LRP1B: variants seen among roughly 807,000 people sequenced by gnomAD.
LRP1B encodes the protein LDL receptor related protein 1B, also known as low-density lipoprotein receptor-related protein 1B.
Under a neutral mutation model 556.6 loss-of-function variants are expected in LRP1B, and 217 were observed. That is an observed-to-expected ratio of 0.39 (90% CI 0.35 to 0.44). The LOEUF (loss-of-function observed/expected upper bound fraction) is 0.44. Among genes scored for constraint, LRP1B ranks in the 20% least tolerant of loss-of-function variants. The pLI is 1.00. For synonymous variants in LRP1B, 2,047 were observed against 1,865.8 expected, an observed-to-expected ratio of 1.10 and a Z score of -2.50; for missense variants, 5,053 against 5,620.8, an observed-to-expected ratio of 0.90 and a Z score of 3.23.
intron 84 of LRP1B, among the ~76,000 whole-genome samples, chr2:140,293,905 GGTTA>G (rs1683500271): frequency 1.3e-5 from 2 of 152,064 alleles, no homozygotes; most frequent in South Asian, 4.2e-4. Context: ...AGGATTAATT[GGTTA>G]ATTTTAATAA....
In LRP1B at chr2:141,068,020, G is replaced by A. The variant is rs150275299; in HGVS notation, c.1014-5747C>T. On this transcript the variant is annotated intron_variant, in intron 7 of 90. Coordinates refer to ENST00000389484, the MANE Select transcript of LRP1B (RefSeq NM_018557.3). ...GGTCTGTGAATACAGGAGATTATTT[G>A]ATTCCTCTCAGAAAAGAAATCTCTA... Among the ~76,000 whole-genome samples the A allele has an allele frequency of 2.6e-5, 4 of 152,048 alleles. No individual in the cohort carries two copies. The East Asian group carries it at 5.9e-4, about 22-fold the overall frequency.
intron 7 of LRP1B, among the ~76,000 whole-genome samples, chr2:141,182,824 G>T (rs1681064961): frequency 6.6e-6 from 1 of 151,416 alleles, no homozygotes; most frequent in South Asian, 2.1e-4. Context: ...GTTACGGGGG[G>T]GAGTTGGTTG....
At chr2:141,304,856 A>C (rs985953301) in intron 3 of LRP1B, among the ~76,000 whole-genome samples, 6 of 152,136 alleles carry the variant, frequency 3.9e-5, no homozygotes, top group African/African-American at 1.4e-4. Flanking sequence ...TTTATTCAAA[A>C]GGGTATCTTT....
intron 14 of LRP1B, among the ~76,000 whole-genome samples, chr2:141,009,498 A>G (rs1483316796): frequency 6.6e-6 from 1 of 151,932 alleles, no homozygotes; most frequent in African/African-American, 2.4e-5. Context: ...CTATATTAAG[A>G]TACTCCTTTG....
rs1681599818 is a variant in LRP1B at position 140,577,963 on chromosome 2, A to C, written c.7194+20668T>G. On this transcript the variant is annotated intron_variant, in intron 43 of 90. Transcript: ENST00000389484. The stretch of plus-strand genomic sequence containing the variant: ...AACCTTCCTCTCTAATCTCTTTCAA[A>C]ATAAATGATGTTCAATAGTTTAATC... Among the ~76,000 whole-genome samples the C allele has an allele frequency of 1.3e-5, 2 of 152,160 alleles. 1 individual carries two copies. The highest frequency in any genetic ancestry group is 4.1e-4 in the South Asian group (2 of 4,828).
At chr2:140,828,470 G>A (rs934643031) in intron 31 of LRP1B, among the ~76,000 whole-genome samples, 6 of 148,820 alleles carry the variant, frequency 4.0e-5, no homozygotes, top group African/African-American at 5.0e-5. Context: ...TTAGCCGGGC[G>A]TGGTAGCGGG....
intron 77 of LRP1B, among the ~76,000 whole-genome samples, chr2:140,345,619 G>T (rs1681608513): frequency 1.4e-5 from 2 of 147,432 alleles, no homozygotes; most frequent in Non-Finnish European, 3.0e-5. Context: ...TGTATCTCTA[G>T]CCCAGAATAT....
chr2:140,325,911 C>T (rs776164759), intron 79 of LRP1B, 33 bp from the exon 80 acceptor site: 3 of 1,286,222 alleles, frequency 2.3e-6, no homozygotes, highest in Non-Finnish European at 3.4e-6. Context: ...ACAAATAGTG[C>T]AAGTAAATTT....
chr2:141,729,245 GGCATCA>G (rs1693170143), intron 2 of LRP1B, among the ~76,000 whole-genome samples: 1 of 152,084 alleles, frequency 6.6e-6, no homozygotes, highest in African/African-American at 2.4e-5. Flanking sequence ...CTTCCTTGGG[GGCATCA>G]GCCAGACACA....
rs555417750 is a variant in LRP1B at position 140,576,119 on chromosome 2, C to A, written c.7194+22512G>T. 5.3e-5 allele frequency among the ~76,000 whole-genome samples: 8 copies of A among 152,194 alleles called. 1 individual carries two copies. In the South Asian group the frequency reaches 1.5e-3, roughly 28 times the overall value. ...CCACACTTCAGGTGCTGAAGACGAT[C>A]CATGGAAATGCTTCCATCATATTAT... On this transcript the variant is annotated intron_variant, in intron 43 of 90. Transcript: ENST00000389484.
chr2:141,317,488 C>A (rs1029903218), intron 3 of LRP1B, among the ~76,000 whole-genome samples: 1 of 152,098 alleles, frequency 6.6e-6, no homozygotes, highest in African/African-American at 2.4e-5. Flanking sequence ...TCTCATTTAA[C>A]CTTCATTACC....
intron 2 of LRP1B, among the ~76,000 whole-genome samples, chr2:141,746,296 G>A (rs73963587): frequency 0.058 from 8,866 of 152,114 alleles, 822 homozygotes; most frequent in African/African-American, 0.2. Context: ...CCACAGTGAC[G>A]GGGCTTGCTG....
At chr2:141,039,006 T>C (rs553467178) in intron 11 of LRP1B, among the ~76,000 whole-genome samples, 153 of 152,214 alleles carry the variant, frequency 1.0e-3, no homozygotes, top group Non-Finnish European at 1.8e-3. Context: ...TCAGTTACTC[T>C]TTGTCAGCCA....
intron 41 of LRP1B, among the ~76,000 whole-genome samples, chr2:140,666,978 T>C (rs1050284854): frequency 2.6e-5 from 4 of 152,240 alleles, no homozygotes; most frequent in African/African-American, 9.6e-5. Context: ...AGTGCCTTGC[T>C]CAAATGCACA....
intron 66 of LRP1B, among the ~76,000 whole-genome samples, chr2:140,420,016 A>C (rs1022159722): frequency 1.5e-4 from 21 of 141,936 alleles, no homozygotes; most frequent in African/African-American, 3.6e-4. Context: ...ATAAAAAAGA[A>C]AAAAAAAAAA....
intron 66 of LRP1B, among the ~76,000 whole-genome samples, chr2:140,406,591 A>G (rs1205311836): frequency 1.3e-5 from 2 of 152,134 alleles, no homozygotes; most frequent in Admixed American, 1.3e-4. Context: ...AACCCTTTTA[A>G]CAACAGCTGT....
chr2:141,374,533 G>A (rs912593032), intron 3 of LRP1B, among the ~76,000 whole-genome samples: 1 of 152,078 alleles, frequency 6.6e-6, no homozygotes, highest in Non-Finnish European at 1.5e-5. Context: ...GTCACTTTAT[G>A]TGGTTTCTGG....
intron 1 of LRP1B, among the ~76,000 whole-genome samples, chr2:141,925,563 T>C (rs1337000355): frequency 6.6e-6 from 1 of 152,214 alleles, no homozygotes; most frequent in Non-Finnish European, 1.5e-5. Context: ...ATTCTTACTG[T>C]CTAGGCCAGA....
At chr2:140,699,917 G>GA (rs35411688) in intron 41 of LRP1B, among the ~76,000 whole-genome samples, 31,410 of 144,460 alleles carry the variant, frequency 0.22, 3,935 homozygotes, top group African/African-American at 0.35. Flanking sequence ...TTGCCCACTG[G>GA]AAAAAAAAAA....
Sources: gnomAD v4.1 joint callset for allele counts (sites outside exome capture counted in the v4.1 genomes callset) on GRCh38, gnomAD v4.1.1 for gene constraint, MANE v1.5 for transcripts, NCBI Gene and HGNC (gene_info 2026-07-23, HGNC 2026-07-21) for gene names.